SARNP: variants seen among roughly 807,000 people sequenced by gnomAD.
SARNP encodes SAP domain containing ribonucleoprotein, also known as SAP domain-containing ribonucleoprotein.
Under a neutral mutation model 38.1 loss-of-function variants are expected in SARNP, and 5 were observed. The observed-to-expected ratio is 0.13, with a 90% CI of 0.07 to 0.28. The LOEUF (loss-of-function observed/expected upper bound fraction) is 0.28, where lower values mean the gene tolerates loss of function less well. Ranked by LOEUF, SARNP falls within the 10% of genes least tolerant of loss-of-function variation. The pLI, the probability that SARNP is intolerant of heterozygous loss-of-function variation, is 1.00. For synonymous variants in SARNP, 84 were observed against 80.6 expected (o/e 1.04, Z -0.23); for missense variants, 180 against 243.9 (o/e 0.74, Z 1.75).
chr12:55,775,241 T>TAAAAAAAAA (rs375018386), intron 9 of SARNP, among the ~76,000 whole-genome samples: 1 of 118,548 alleles, frequency 8.4e-6, no homozygotes, highest in African/African-American at 3.0e-5. Flanking sequence ...AGGTTAAAAT[T>TAAAAAAAAA]AAAAAAAAAA....
chr12:55,757,814 A>G (rs1178945584), intron 10 of SARNP, among the ~76,000 whole-genome samples: 1 of 152,180 alleles, frequency 6.6e-6, no homozygotes, highest in Non-Finnish European at 1.5e-5. Flanking sequence ...AGAGAAGAAC[A>G]GTGGTAGAAA....
intron 9 of SARNP, among the ~76,000 whole-genome samples, chr12:55,788,509 T>C (rs531682222): frequency 6.6e-6 from 1 of 152,006 alleles, no homozygotes; most frequent in South Asian, 2.1e-4. Flanking sequence ...ATATAGACCA[T>C]ACTCAGGCTG....
rs1042519726 is a variant in SARNP at position 55,803,617 on chromosome 12, C to A, written c.136+12G>T. On this transcript the variant is annotated intron_variant, in intron 2 of 10. Coordinates refer to ENST00000336133, the MANE Select transcript of SARNP (RefSeq NM_033082.4). Reference sequence around the variant, plus strand: ...CCTCACTCACATCACTCCGCCTCCACAAAGTACTCACCATGTTCTTCAAGA... The same window carrying A: ...CCTCACTCACATCACTCCGCCTCCAAAAAGTACTCACCATGTTCTTCAAGA... The A allele has an allele frequency of 2.6e-6, 4 of 1,557,682 alleles. No individual in the cohort carries two copies. In the African/African-American group the frequency reaches 5.4e-5, roughly 21 times the overall value.
At chr12:55,796,173 C>A in intron 4 of SARNP, 97 bp from the exon 5 acceptor site, 1 of 831,102 alleles carries the variant, frequency 1.2e-6, no homozygotes, top group Non-Finnish European at 2.0e-6. Flanking sequence ...CATTCTCTGC[C>A]CTATTATCTC....
intron 9 of SARNP, among the ~76,000 whole-genome samples, chr12:55,777,370 CTTTT>C (rs111979451): frequency 6.8e-6 from 1 of 147,930 alleles, no homozygotes; most frequent in Admixed American, 6.8e-5. Flanking sequence ...AAAACTTTTC[CTTTT>C]TTTTTTATTT....
In SARNP at chr12:55,790,008, C is replaced by G. The variant is rs115521182; in HGVS notation, c.432+559G>C. 1.6e-3 allele frequency among the ~76,000 whole-genome samples: 229 copies of G among 147,390 alleles called. 1 individual carries two copies. Among genetic ancestry groups the G allele is most frequent in the African/African-American group, 5.2e-3 (210 of 40,122 alleles). The stretch of plus-strand genomic sequence containing the variant: ...ATTAATAATATTAAACCTTCACTTA[C>G]AATATTAAACAGCAACCCCTAAAGC... On this transcript the variant is annotated intron_variant, in intron 8 of 10. Transcript: ENST00000336133.
At chr12:55,804,789 T>C (rs1441836029) in intron 1 of SARNP, among the ~76,000 whole-genome samples, 1 of 152,110 alleles carries the variant, frequency 6.6e-6, no homozygotes, top group African/African-American at 2.4e-5. Context: ...AACACACAGA[T>C]AGATCTTTGG....
chr12:55,817,615 G>A, intron 1 of SARNP, 51 bp downstream of exon 1: 1 of 1,564,532 alleles, frequency 6.4e-7, no homozygotes, highest in South Asian at 1.1e-5. Flanking sequence ...CTACCCTGTA[G>A]AATTCAGTTC....
intron 1 of SARNP, among the ~76,000 whole-genome samples, chr12:55,815,713 C>T (rs1880461903): frequency 6.6e-6 from 1 of 152,174 alleles, no homozygotes; most frequent in African/African-American, 2.4e-5. Context: ...ATCCGCCCGC[C>T]TAGGCCTCCC....
At chr12:55,776,409 G>C (rs2136187212) in intron 9 of SARNP, among the ~76,000 whole-genome samples, 1 of 152,216 alleles carries the variant, frequency 6.6e-6, no homozygotes, top group Non-Finnish European at 1.5e-5. Context: ...CTCTATAAGT[G>C]AGACCACATC....
At chr12:55,770,533 C>T (rs1878977235) in intron 9 of SARNP, among the ~76,000 whole-genome samples, 1 of 152,086 alleles carries the variant, frequency 6.6e-6, no homozygotes, top group African/African-American at 2.4e-5. Flanking sequence ...GCCACCACGC[C>T]CAGCCTATAA....
chr12:55,804,428 A>AC (rs1182929398), intron 1 of SARNP, among the ~76,000 whole-genome samples: 1 of 152,112 alleles, frequency 6.6e-6, no homozygotes, highest in Non-Finnish European at 1.5e-5. Context: ...AAAAAAAAAA[A>AC]AACACTTCTT....
chr12:55,776,708 TAGAA>T (rs1444880641), intron 9 of SARNP, among the ~76,000 whole-genome samples: 1 of 152,128 alleles, frequency 6.6e-6, no homozygotes, highest in Non-Finnish European at 1.5e-5. Flanking sequence ...TTGCTTCACT[TAGAA>T]AGGCCAGGCC....
At chr12:55,817,588 G>A (rs550444068) in intron 1 of SARNP, 78 bp downstream of exon 1, 5 of 1,380,272 alleles carry the variant, frequency 3.6e-6, no homozygotes, top group Non-Finnish European at 5.1e-6. Context: ...CGGAGAAGAC[G>A]TAGGAGAAGG....
chr12:55,774,920 T>C (rs1240094768), intron 9 of SARNP, among the ~76,000 whole-genome samples: 1 of 135,252 alleles, frequency 7.4e-6, no homozygotes, highest in Non-Finnish European at 1.5e-5. Context: ...GGAGTCTCGC[T>C]CTGTCGCCCA....
At chr12:55,760,522 T>C (rs1460431354) in intron 10 of SARNP, 29 bp downstream of exon 10, 1 of 1,246,012 alleles carries the variant, frequency 8.0e-7, no homozygotes, top group Non-Finnish European at 1.2e-6. Context: ...CCCTTCAAGG[T>C]CTATGAAGCG....
At position 55,783,586 on chromosome 12, in the gene SARNP, GGGAGGTGGGA is replaced by G. The variant is rs961368020; in HGVS notation, c.501+5479_501+5488del. Among the ~76,000 whole-genome samples the G allele has an allele frequency of 9.9e-5, 15 of 152,158 alleles. No individual in the cohort carries two copies. The Middle Eastern group carries it at 0.01, about 104-fold the overall frequency. On this transcript the variant is annotated intron_variant, in intron 9 of 10. Transcript: ENST00000336133. The stretch of plus-strand genomic sequence containing the variant: ...ACATGATGATTTAGGGGAGGCTGGG[GGGAGGTGGGA>G]GGAGGTGGGAGAGAGATTTCTTTAC...
intron 2 of SARNP, 80 bp from the exon 3 acceptor site, chr12:55,800,980 C>T (rs1879963387): frequency 1.7e-6 from 2 of 1,211,776 alleles, no homozygotes; most frequent in East Asian, 2.3e-5. Context: ...ATTATAATCA[C>T]TTTGCTTTCC....
intron 1 of SARNP, among the ~76,000 whole-genome samples, chr12:55,813,366 T>G (rs897069090): frequency 2.0e-5 from 3 of 152,014 alleles, no homozygotes; most frequent in Non-Finnish European, 4.4e-5. Context: ...GTGAAACACC[T>G]GAAAGGGGTG....
Sources: allele counts gnomAD v4.1 joint callset (sites outside exome capture counted in the v4.1 genomes callset), GRCh38; gene constraint gnomAD v4.1.1; transcripts MANE v1.5; gene names NCBI Gene and HGNC (gene_info 2026-07-23, HGNC 2026-07-21).